Variants in HERC2 observed in about 807,000 individuals in gnomAD.
The protein encoded by HERC2 is E3 ubiquitin-protein ligase HERC2.
HERC2 carries 102 observed loss-of-function variants against 537.7 expected under a neutral mutation model. The observed-to-expected ratio is 0.19, with a 90% CI of 0.16 to 0.22. HERC2 has a LOEUF of 0.22. Among genes scored for constraint, HERC2 ranks in the 10% least tolerant of loss-of-function variants. HERC2 has a pLI of 1.00. For missense variants in HERC2, 4,236 were observed against 6,198.2 expected (o/e 0.68, Z 10.63); for synonymous variants, 2,224 against 2,466.2 (o/e 0.90, Z 2.91).
At chr15:28,156,195 G>T (rs138027454) in intron 69 of HERC2, among the ~76,000 whole-genome samples, 1 of 152,302 alleles carries the variant, frequency 6.6e-6, no homozygotes, top group East Asian at 1.9e-4. Context: ...GTCAGGTAGC[G>T]TGATGCCTCC....
In HERC2 at chr15:28,177,638, C is replaced by T. The variant is rs1384672299; in HGVS notation, c.9164-129G>A. ...GCGTGAGCTGAATAAATGAGTAACT[C>T]AACAGGATCAACAGCGGAGTTAGCA... On this transcript the variant is annotated intron_variant, in intron 59 of 92. Transcript: ENST00000261609. The surrounding 1 kb of genome is among the most constrained non-coding windows in gnomAD (Gnocchi z 5.0). 1.4e-6 allele frequency: 1 copy of T among 719,886 alleles called. No homozygotes were observed. Among genetic ancestry groups the T allele is most frequent in the Non-Finnish European group, 2.4e-6 (1 of 417,008 alleles). 44.6% of individuals were successfully genotyped at this position (719,886 alleles called of 1,614,324 possible). A position where few individuals can be genotyped will look rare whatever the true frequency, so the allele number is the denominator to read the frequency against.
intron 78 of HERC2, among the ~76,000 whole-genome samples, chr15:28,139,200 G>C (rs1304618737): frequency 6.6e-6 from 1 of 152,222 alleles, no homozygotes; most frequent in Non-Finnish European, 1.5e-5. Flanking sequence ...CTGAGTGTGG[G>C]CTGGACTTAA....
rs1463686560 is a variant in HERC2 at position 28,216,603 on chromosome 15, A to C, written c.6029-801T>G. Among the ~76,000 whole-genome samples the C allele has an allele frequency of 2.0e-5, 3 of 149,724 alleles. No homozygotes were observed. The East Asian group carries it at 5.9e-4, about 29-fold the overall frequency. On this transcript the variant is annotated intron_variant, in intron 38 of 92. Coordinates refer to ENST00000261609, the MANE Select transcript of HERC2 (RefSeq NM_004667.6). Reference sequence around the variant, plus strand: ...CTTATGAGGACACCTGCCTTCCTTCAGCACACTCACATGCGCTCACACACA... The same window carrying C: ...CTTATGAGGACACCTGCCTTCCTTCCGCACACTCACATGCGCTCACACACA...
intron 7 of HERC2, among the ~76,000 whole-genome samples, chr15:28,273,720 G>A (rs2075799753): frequency 1.3e-5 from 2 of 152,144 alleles, no homozygotes; most frequent in African/African-American, 2.4e-5. Context: ...GGAGAGTGAG[G>A]AGTGGCCTCA....
chr15:28,132,826 A>G lies in HERC2; in HGVS notation c.12235T>C (p.Cys4079Arg). 6.5e-7 allele frequency: 1 copy of G among 1,540,134 alleles called. No individual in the cohort carries two copies. Among genetic ancestry groups the G allele is most frequent in the Non-Finnish European group, 8.8e-7 (1 of 1,141,712 alleles). The change falls in exon 80 of 93, where the codon TGT (cysteine) becomes CGT (arginine). Residue 4079 changes from cysteine (C) to arginine (R), a missense_variant. Cys to Arg is a radical substitution (Grantham distance 180). Transcript: ENST00000261609. ...GKLGHGNRSP[C>R]DRPRVIESLR... ...GACTCGATGACACGAGGGCGGTCAC[A>G]CGGACTGCAAAAAAGTCACCAAATA...
intron 24 of HERC2, among the ~76,000 whole-genome samples, 159 bp downstream of exon 24, chr15:28,238,443 T>C (rs1316237979): frequency 6.6e-6 from 1 of 152,166 alleles, no homozygotes; most frequent in Non-Finnish European, 1.5e-5. Context: ...ATTCTTCAAA[T>C]GTGCTGAATT....
chr15:28,296,542 T>C (rs1355576921), intron 3 of HERC2, among the ~76,000 whole-genome samples: 1 of 152,126 alleles, frequency 6.6e-6, no homozygotes, highest in Non-Finnish European at 1.5e-5. Context: ...GATTTTGCCA[T>C]GTACTTAGCT....
At chr15:28,276,192 C>CAAAAAAAAAAAAAAAA (rs11359639) in intron 5 of HERC2, among the ~76,000 whole-genome samples, 3 of 70,104 alleles carry the variant, frequency 4.3e-5, no homozygotes, top group African/African-American at 1.0e-4. Flanking sequence ...TCTCAAAAAA[C>CAAAAAAAAAAAAAAAA]AAAAAAAAAA....
intron 67 of HERC2, among the ~76,000 whole-genome samples, chr15:28,168,109 C>T (rs1894331704): frequency 6.6e-6 from 1 of 152,130 alleles, no homozygotes; most frequent in Non-Finnish European, 1.5e-5. Context: ...CACATATCTT[C>T]GAGTTGGTTC....
At chr15:28,264,317 C>T (rs541909364) in intron 14 of HERC2, among the ~76,000 whole-genome samples, 2 of 152,174 alleles carry the variant, frequency 1.3e-5, no homozygotes, top group Non-Finnish European at 2.9e-5. Flanking sequence ...ACAACTCTAC[C>T]TGCAAAAACA....
rs1215235986 is a variant in HERC2, at chr15:28,132,217, G to A, written c.12453C>T (p.Gly4151=). Residue 4151 remains glycine (G), a synonymous_variant, in exon 81 of 93, where the codon GGC becomes GGT. Transcript: ENST00000261609. ...GGCAGAGGGTCTGGGCATCTCCACT[G>A]CCACAGGCGATGTCAACCACACGGT... ...QGHRVVDIAC[G]SGDAQTLCLT... The A allele has an allele frequency of 1.2e-5, 20 of 1,613,552 alleles. No homozygotes were observed. The highest frequency in any genetic ancestry group is 2.7e-5 in the African/African-American group (2 of 74,944).
At chr15:28,275,653 A>G (rs2075852352) in intron 5 of HERC2, among the ~76,000 whole-genome samples, 1 of 152,214 alleles carries the variant, frequency 6.6e-6, no homozygotes, top group Admixed American at 6.5e-5. Context: ...AGAAAAGGCT[A>G]GAATACAAAA....
At chr15:28,220,372 G>C (rs1356085255) in intron 37 of HERC2, 80 bp downstream of exon 37, 3 of 1,284,528 alleles carry the variant, frequency 2.3e-6, no homozygotes, top group Non-Finnish European at 3.4e-6. Flanking sequence ...CCATTCTAAG[G>C]CCCAGATGAC....
At chr15:28,216,010 TTC>T (rs1899856751) in intron 38 of HERC2, among the ~76,000 whole-genome samples, 1 of 152,160 alleles carries the variant, frequency 6.6e-6, no homozygotes, top group Non-Finnish European at 1.5e-5. Flanking sequence ...TTCTCAATTT[TTC>T]TTTTTTTTTT....
chr15:28,294,113 G>A (rs2141155009), intron 3 of HERC2, among the ~76,000 whole-genome samples: 1 of 152,290 alleles, frequency 6.6e-6, no homozygotes, highest in Admixed American at 6.5e-5. Context: ...CAAATGCATG[G>A]ACTTTTGCAC....
In HERC2 at chr15:28,254,324, A is replaced by G; in HGVS notation, c.3050+16T>C. On this transcript the variant is annotated intron_variant, in intron 20 of 92. Transcript: ENST00000261609. The stretch of plus-strand genomic sequence containing the variant: ...AAATAAATAACATATAATACAATAC[A>G]GCTACTACGATTTACCTAAGAAGCT... 1 of 1,536,604 alleles carries G rather than the reference A, an allele frequency of 6.5e-7. No individual in the cohort carries two copies. Among genetic ancestry groups the G allele is most frequent in the South Asian group, 1.2e-5 (1 of 83,796 alleles).
chr15:28,180,241 G>A (rs1895699238), intron 57 of HERC2, among the ~76,000 whole-genome samples: 1 of 152,152 alleles, frequency 6.6e-6, no homozygotes, highest in South Asian at 2.1e-4. Flanking sequence ...ATTCAGTACA[G>A]TTCCATGTTG....
At chr15:28,274,866 T>G in intron 6 of HERC2, 39 bp downstream of exon 6, 1 of 1,479,346 alleles carries the variant, frequency 6.8e-7, no homozygotes, top group South Asian at 1.1e-5. Flanking sequence ...TGTTGATGTA[T>G]TAGGGAAGCA....
intron 2 of HERC2, among the ~76,000 whole-genome samples, chr15:28,304,663 C>T (rs1443422589): frequency 2.0e-5 from 3 of 150,780 alleles, no homozygotes; most frequent in Non-Finnish European, 4.4e-5. Flanking sequence ...TGCACCCGGC[C>T]TTTCTCTCTC....
Sources: gnomAD v4.1 joint callset for allele counts (sites outside exome capture counted in the v4.1 genomes callset) on GRCh38, gnomAD v4.1.1 for gene constraint, Gnocchi (gnomAD v3.1) non-coding constraint, MANE v1.5 for transcripts, NCBI Gene and HGNC (gene_info 2026-07-23, HGNC 2026-07-21) for gene names.